Variants in TBC1D5 observed in about 807,000 individuals in gnomAD.
The protein encoded by TBC1D5 is TBC1 domain family, member 5.
Under a neutral mutation model 100.3 loss-of-function variants are expected in TBC1D5, and 75 were observed. That is an observed-to-expected ratio of 0.75 (90% CI 0.62 to 0.91). The LOEUF (loss-of-function observed/expected upper bound fraction) is 0.91. Ranked by LOEUF, TBC1D5 falls within the 40% of genes least tolerant of loss-of-function variation. The pLI is 0.00. For missense variants in TBC1D5, 910 were observed against 942.4 expected (o/e 0.97, Z 0.45); for synonymous variants, 323 against 325.6 (o/e 0.99, Z 0.09).
intron 2 of TBC1D5, among the ~76,000 whole-genome samples, chr3:17,552,677 T>C (rs899291142): frequency 2.0e-5 from 3 of 152,052 alleles, no homozygotes; most frequent in Non-Finnish European, 4.4e-5. Flanking sequence ...CTAATAGCTA[T>C]GATAAAAATT....
At chr3:17,602,273 G>A (rs1335390000) in intron 2 of TBC1D5, among the ~76,000 whole-genome samples, 2 of 152,124 alleles carry the variant, frequency 1.3e-5, no homozygotes, top group East Asian at 3.9e-4. Context: ...CTGTCTCAAT[G>A]GAATACCTTG....
chr3:17,499,388 G>A, intron 3 of TBC1D5, among the ~76,000 whole-genome samples: 1 of 134,750 alleles, frequency 7.4e-6, no homozygotes, highest in Non-Finnish European at 1.5e-5. Flanking sequence ...AAGCTATGCG[G>A]GCTGAAAGCT....
intron 1 of TBC1D5, among the ~76,000 whole-genome samples, chr3:17,715,406 T>C (rs1462178607): frequency 6.6e-6 from 1 of 152,216 alleles, no homozygotes; most frequent in Non-Finnish European, 1.5e-5. Context: ...AGTATCAGTA[T>C]ATACAGGGGG....
intron 17 of TBC1D5, among the ~76,000 whole-genome samples, chr3:17,236,109 C>A (rs2075830975): frequency 6.6e-6 from 1 of 152,126 alleles, no homozygotes; most frequent in Non-Finnish European, 1.5e-5. Flanking sequence ...CATCTCCATG[C>A]ACTTCCTTTC....
intron 18 of TBC1D5, among the ~76,000 whole-genome samples, chr3:17,197,737 G>C (rs1340656924): frequency 6.6e-6 from 1 of 152,124 alleles, no homozygotes; most frequent in Non-Finnish European, 1.5e-5. Context: ...TGTCACCTCA[G>C]AACTGACAAT....
intron 3 of TBC1D5, among the ~76,000 whole-genome samples, chr3:17,435,087 C>T (rs748610531): frequency 5.9e-5 from 9 of 152,168 alleles, no homozygotes; most frequent in Non-Finnish European, 1.2e-4. Flanking sequence ...TCACTATCAG[C>T]ATTTTGGTCA....
At chr3:17,483,896 T>C (rs1396592252) in intron 3 of TBC1D5, among the ~76,000 whole-genome samples, 3 of 152,168 alleles carry the variant, frequency 2.0e-5, no homozygotes, top group Non-Finnish European at 4.4e-5. Context: ...TATTGAACAG[T>C]TTGGCCCATA....
chr3:17,213,034 G>A (rs2073169236), intron 18 of TBC1D5, among the ~76,000 whole-genome samples: 1 of 152,246 alleles, frequency 6.6e-6, no homozygotes, highest in South Asian at 2.1e-4. Context: ...CACTCGCCCA[G>A]AGCCACTTCC....
intron 17 of TBC1D5, among the ~76,000 whole-genome samples, chr3:17,233,190 TTTAA>T (rs1205759567): frequency 1.5e-4 from 23 of 152,334 alleles, no homozygotes; most frequent in African/African-American, 5.3e-4. Flanking sequence ...TACACTGTAC[TTTAA>T]TTGTGTTAAC....
At chr3:17,227,362 A>G (rs1008262236) in intron 17 of TBC1D5, among the ~76,000 whole-genome samples, 3 of 152,192 alleles carry the variant, frequency 2.0e-5, no homozygotes, top group Non-Finnish European at 2.9e-5. Flanking sequence ...GTAATTGAAA[A>G]TGATATCAAT....
intron 18 of TBC1D5, among the ~76,000 whole-genome samples, chr3:17,200,804 T>C (rs1285136631): frequency 6.6e-6 from 1 of 152,166 alleles, no homozygotes; most frequent in Non-Finnish European, 1.5e-5. Flanking sequence ...TTAAAAAATT[T>C]CTCCTGAGCA....
intron 3 of TBC1D5, among the ~76,000 whole-genome samples, chr3:17,441,054 C>A (rs138501839): frequency 1.3e-5 from 2 of 151,986 alleles, no homozygotes; most frequent in Non-Finnish European, 2.9e-5. Flanking sequence ...CTGTGTGGTA[C>A]CCTAAGGCAA....
intron 16 of TBC1D5, among the ~76,000 whole-genome samples, chr3:17,257,303 A>G (rs1259335423): frequency 6.6e-6 from 1 of 152,250 alleles, no homozygotes; most frequent in Non-Finnish European, 1.5e-5. Flanking sequence ...GGGAAGAAAT[A>G]TAAGTGACTA....
intron 2 of TBC1D5, among the ~76,000 whole-genome samples, chr3:17,521,164 G>T (rs2096059709): frequency 6.6e-6 from 1 of 152,178 alleles, no homozygotes; most frequent in South Asian, 2.1e-4. Context: ...CTGCTGAGTA[G>T]AAACAGAGTA....
At chr3:17,736,493 G>A (rs1032135127) in intron 1 of TBC1D5, among the ~76,000 whole-genome samples, 5 of 152,112 alleles carry the variant, frequency 3.3e-5, no homozygotes, top group Non-Finnish European at 5.9e-5. Flanking sequence ...AAGGGGTCTA[G>A]TTTAATGAAT....
At chr3:17,369,880 A>C (rs890570872) in intron 13 of TBC1D5, among the ~76,000 whole-genome samples, 2 of 152,194 alleles carry the variant, frequency 1.3e-5, no homozygotes, top group African/African-American at 2.4e-5. Context: ...CTATTCTTCA[A>C]AGATTAAAAA....
intron 13 of TBC1D5, among the ~76,000 whole-genome samples, chr3:17,350,930 T>C (rs1206245029): frequency 6.6e-6 from 1 of 152,090 alleles, no homozygotes; most frequent in East Asian, 1.9e-4. Flanking sequence ...AATTGCTCAA[T>C]CCCCAATCCC....
exon 22 of TBC1D5, chr3:17,160,869 G>T: frequency 1.4e-6 from 2 of 1,447,518 alleles, no homozygotes; most frequent in East Asian, 2.4e-5. Flanking sequence ...GGAAGCAGTG[G>T]TTTAAGAAGG....
At chr3:17,442,639 G>A (rs1235050189) in intron 3 of TBC1D5, among the ~76,000 whole-genome samples, 1 of 152,104 alleles carries the variant, frequency 6.6e-6, no homozygotes, top group African/African-American at 2.4e-5. Flanking sequence ...TATACCCAAA[G>A]GAGCACAACA....
Sources: allele counts gnomAD v4.1 joint callset (sites outside exome capture counted in the v4.1 genomes callset), GRCh38; gene constraint gnomAD v4.1.1; transcripts MANE v1.5; gene names NCBI Gene and HGNC (gene_info 2026-07-23, HGNC 2026-07-21).